SORCS1: variants seen among roughly 807,000 people sequenced by gnomAD.
The protein encoded by SORCS1 is VPS10 domain-containing receptor SorCS1.
SORCS1 carries 60 observed loss-of-function variants against 146.1 expected under a neutral mutation model. The ratio of observed to expected loss-of-function variants is 0.41; its 90% CI spans 0.33 to 0.51. SORCS1 has a LOEUF of 0.51. Ranked by LOEUF, SORCS1 falls within the 20% of genes least tolerant of loss-of-function variation. SORCS1 has a pLI of 0.21. For missense variants in SORCS1, 1,352 were observed against 1,487.6 expected (o/e 0.91, Z 1.50); for synonymous variants, 637 against 584.0 (o/e 1.09, Z -1.31).
intron 9 of SORCS1, among the ~76,000 whole-genome samples, chr10:106,695,292 C>T (rs1477432165): frequency 1.3e-5 from 2 of 152,200 alleles, no homozygotes; most frequent in African/African-American, 4.8e-5. Context: ...TTCTGATTCT[C>T]TTTACATTGA....
intron 3 of SORCS1, among the ~76,000 whole-genome samples, chr10:106,789,185 C>T (rs954954357): frequency 5.9e-5 from 9 of 152,124 alleles, no homozygotes; most frequent in East Asian, 1.9e-4. Context: ...GCCCTGGGCC[C>T]GGCCCACAAA....
intron 6 of SORCS1, among the ~76,000 whole-genome samples, chr10:106,717,578 T>C (rs564950273): frequency 6.6e-6 from 1 of 152,310 alleles, no homozygotes; most frequent in Admixed American, 6.5e-5. Context: ...ATTGTTGGCC[T>C]TCAGGCATTC....
chr10:107,002,837 T>C (rs1481167813), intron 1 of SORCS1, among the ~76,000 whole-genome samples: 3 of 152,196 alleles, frequency 2.0e-5, no homozygotes, highest in Non-Finnish European at 1.5e-5. Flanking sequence ...CAGATGCCTT[T>C]TGTCCTACTA....
intron 9 of SORCS1, among the ~76,000 whole-genome samples, chr10:106,693,486 T>C (rs894260911): frequency 6.6e-6 from 1 of 152,204 alleles, no homozygotes; most frequent in Non-Finnish European, 1.5e-5. Context: ...CTCAAAGAAA[T>C]TGTATTTTAT....
At chr10:107,100,438 C>T (rs977324422) in intron 1 of SORCS1, among the ~76,000 whole-genome samples, 7 of 151,538 alleles carry the variant, frequency 4.6e-5, no homozygotes, top group African/African-American at 1.5e-4. Flanking sequence ...GGTGTGAACC[C>T]GGGAGGCAGA....
intron 2 of SORCS1, among the ~76,000 whole-genome samples, chr10:106,843,720 C>A (rs948390134): frequency 1.3e-5 from 2 of 152,166 alleles, no homozygotes; most frequent in South Asian, 2.1e-4. Flanking sequence ...CAGGCGTGAG[C>A]CACTGCACCC....
At position 106,992,890 on chromosome 10, in the gene SORCS1, G is replaced by T. The variant is rs188007399; in HGVS notation, c.559-36310C>A. 2.0e-4 allele frequency among the ~76,000 whole-genome samples: 28 copies of T among 140,932 alleles called. No individual in the cohort carries two copies. The East Asian group carries it at 4.9e-3, about 24-fold the overall frequency. 92.5% of individuals were successfully genotyped at this position (140,932 alleles called of 152,430 possible). A position where few individuals can be genotyped will look rare whatever the true frequency, so the allele number is the denominator to read the frequency against. ...CTGTGTCACCAGGCTGGAGCACAGTGGCGCGATCTAGGCTCACTGCAACCT... is the reference window on the plus strand; with the variant it reads ...CTGTGTCACCAGGCTGGAGCACAGTTGCGCGATCTAGGCTCACTGCAACCT... On this transcript the variant is annotated intron_variant, in intron 1 of 25. Coordinates refer to ENST00000263054, the MANE Select transcript of SORCS1 (RefSeq NM_052918.5).
chr10:106,936,733 T>A (rs993365761), intron 2 of SORCS1, among the ~76,000 whole-genome samples: 10 of 152,190 alleles, frequency 6.6e-5, no homozygotes, highest in African/African-American at 2.4e-4. Context: ...AAGTTGTATC[T>A]TCATTCCCTT....
chr10:106,646,669 C>G (rs964546044), intron 18 of SORCS1, among the ~76,000 whole-genome samples: 2 of 152,042 alleles, frequency 1.3e-5, no homozygotes, highest in Non-Finnish European at 2.9e-5. Flanking sequence ...TGCACTCCAG[C>G]CTGGGCGACA....
At chr10:106,639,294 T>G (rs538230376) in intron 18 of SORCS1, among the ~76,000 whole-genome samples, 1 of 152,312 alleles carries the variant, frequency 6.6e-6, no homozygotes, top group East Asian at 1.9e-4. Flanking sequence ...GGGCCTCAAG[T>G]AGGCAGACTA....
chr10:106,590,924 G>A (rs1845565878), intron 24 of SORCS1, among the ~76,000 whole-genome samples: 1 of 152,276 alleles, frequency 6.6e-6, no homozygotes, highest in Admixed American at 6.5e-5. Context: ...CAAAGTGCTG[G>A]TATTACAGGC....
intron 3 of SORCS1, among the ~76,000 whole-genome samples, chr10:106,804,988 A>G (rs1206375709): frequency 6.6e-6 from 1 of 152,028 alleles, no homozygotes; most frequent in Non-Finnish European, 1.5e-5. Context: ...TGCAAACTAT[A>G]AATATGAGAA....
rs767672541 is a variant in SORCS1 at position 106,776,675 on chromosome 10, G to C, written c.744C>G (p.Asp248Glu). ...TNKRKIMLLT[D>E]PEIESSLLIS... ...TCAATAAACTGCTCTCAATCTCCGGGTCTGTGAGTAACATTATCTGCAGCA... is the reference window on the plus strand; with the variant it reads ...TCAATAAACTGCTCTCAATCTCCGGCTCTGTGAGTAACATTATCTGCAGCA... The change falls in exon 4 of 26, where the codon GAC becomes GAG. Residue 248 changes from aspartate (D) to glutamate (E), a missense_variant. Coordinates refer to ENST00000263054, the MANE Select transcript of SORCS1 (RefSeq NM_052918.5). 1 of 1,613,424 alleles carries C rather than the reference G, an allele frequency of 6.2e-7. No individual in the cohort carries two copies. Among genetic ancestry groups the C allele is most frequent in the South Asian group, 1.1e-5 (1 of 91,010 alleles).
chr10:106,778,977 T>C (rs1008504369), intron 3 of SORCS1, among the ~76,000 whole-genome samples: 3 of 152,208 alleles, frequency 2.0e-5, no homozygotes, highest in African/African-American at 7.2e-5. Flanking sequence ...TTGATACCCA[T>C]TTATGCTCCA....
chr10:107,137,352 A>G (rs1290494765), intron 1 of SORCS1, among the ~76,000 whole-genome samples: 1 of 152,176 alleles, frequency 6.6e-6, no homozygotes, highest in Non-Finnish European at 1.5e-5. Flanking sequence ...GGATGTCAGC[A>G]TATAGTATAC....
intron 14 of SORCS1, among the ~76,000 whole-genome samples, chr10:106,674,844 G>A (rs181307618): frequency 8.6e-5 from 13 of 152,000 alleles, no homozygotes; most frequent in Admixed American, 1.3e-4. Context: ...TTCTCTAAGC[G>A]CCTCAGTCTG....
chr10:106,865,255 T>G (rs1950186082), intron 2 of SORCS1, among the ~76,000 whole-genome samples: 2 of 152,278 alleles, frequency 1.3e-5, no homozygotes, highest in African/African-American at 4.8e-5. Context: ...ACAGGTGCAT[T>G]TGAGCTGGCA....
rs374134293 is a variant in SORCS1 at position 106,883,557 on chromosome 10, G to A, written c.627-53884C>T. ...AGCCTCCCGCATAGCTGAGACTACA[G>A]GTGCCTGCCACCTGGCTAATTTTAT... On this transcript the variant is annotated intron_variant, in intron 2 of 25. Transcript: ENST00000263054. Among the ~76,000 whole-genome samples, 8 of 152,108 alleles carry A rather than the reference G, an allele frequency of 5.3e-5. No individual in the cohort carries two copies. The East Asian group carries it at 1.5e-3, about 29-fold the overall frequency.
At chr10:106,646,593 G>C (rs947190928) in intron 18 of SORCS1, among the ~76,000 whole-genome samples, 3 of 152,118 alleles carry the variant, frequency 2.0e-5, no homozygotes, top group African/African-American at 7.2e-5. Flanking sequence ...CTACTCGGGA[G>C]ACTGAGGCAG....
Sources: allele counts gnomAD v4.1 joint callset (sites outside exome capture counted in the v4.1 genomes callset), GRCh38; gene constraint gnomAD v4.1.1; transcripts MANE v1.5; gene names NCBI Gene and HGNC (gene_info 2026-07-23, HGNC 2026-07-21).